The following CTNNA2 variants were observed in gnomAD, a reference collection of about 807,000 sequenced individuals.
CTNNA2 encodes catenin alpha-2.
In CTNNA2, 42 loss-of-function variants were observed where a neutral mutation model predicts 101.0. That is an observed-to-expected ratio of 0.42 (90% CI 0.32 to 0.54). The LOEUF is 0.54. Ranked by LOEUF, CTNNA2 falls within the 20% of genes least tolerant of loss-of-function variation. The probability of loss-of-function intolerance (pLI) is 0.14; values close to 1 mark genes in which losing one functional copy is unlikely to be tolerated. For missense variants in CTNNA2, 871 were observed against 1,223.1 expected (o/e 0.71, Z 4.29); for synonymous variants, 450 against 456.4 (o/e 0.99, Z 0.18).
intron 7 of CTNNA2, among the ~76,000 whole-genome samples, chr2:80,006,602 C>T (rs1012880352): frequency 2.0e-5 from 3 of 151,578 alleles, no homozygotes; most frequent in African/African-American, 4.9e-5. Context: ...GATTCAACTC[C>T]TTCTGCTTCA....
Position 80,417,629 on chromosome 2 carries a change from C to T in CTNNA2, c.1138-1820C>T, listed in dbSNP as rs185026931. 1.2e-3 allele frequency among the ~76,000 whole-genome samples: 188 copies of T among 151,604 alleles called. 1 individual carries two copies. Among genetic ancestry groups the T allele is most frequent in the African/African-American group, 4.4e-3 (181 of 41,400 alleles). On this transcript the variant is annotated intron_variant, in intron 8 of 18. Transcript: ENST00000402739. ...ATAATTCTTTCTTGAGTTTCATGAC[C>T]TAATTCTTTAGTTTTTCTTATTCTA...
At chr2:80,321,128 G>T (rs1028479673) in intron 7 of CTNNA2, among the ~76,000 whole-genome samples, 13 of 152,246 alleles carry the variant, frequency 8.5e-5, no homozygotes, top group African/African-American at 3.1e-4. Flanking sequence ...ATGCCCACCT[G>T]TAAAAATGAC....
At chr2:79,497,599 C>G (rs756400204) in intron 4 of CTNNA2, among the ~76,000 whole-genome samples, 1 of 152,144 alleles carries the variant, frequency 6.6e-6, no homozygotes, top group African/African-American at 2.4e-5. Context: ...GTTAACCTAG[C>G]ACACCCATGT....
intron 2 of CTNNA2, among the ~76,000 whole-genome samples, chr2:79,656,648 T>C (rs974553629): frequency 1.3e-5 from 2 of 152,040 alleles, no homozygotes; most frequent in African/African-American, 4.8e-5. Flanking sequence ...AGATTCCTTT[T>C]GGAGAAATTG....
intron 10 of CTNNA2, 132 bp downstream of exon 10, chr2:80,545,206 T>C: frequency 1.2e-6 from 1 of 807,700 alleles, no homozygotes; most frequent in Non-Finnish European, 1.9e-6. Context: ...TGTTTCAAGT[T>C]CTACCTTTCT....
At chr2:79,366,495 T>G (rs1434194538) in intron 3 of CTNNA2, among the ~76,000 whole-genome samples, 1 of 152,208 alleles carries the variant, frequency 6.6e-6, no homozygotes, top group Non-Finnish European at 1.5e-5. Context: ...AAAAGAAGAA[T>G]AAGACGGAGA....
chr2:80,430,802 G>A (rs1354162025), intron 9 of CTNNA2, among the ~76,000 whole-genome samples: 1 of 152,042 alleles, frequency 6.6e-6, no homozygotes, highest in Admixed American at 6.6e-5. Context: ...TAGTTTTGGT[G>A]TTTCATCATC....
chr2:80,120,434 G>T (rs915482810), intron 7 of CTNNA2, among the ~76,000 whole-genome samples: 7 of 152,132 alleles, frequency 4.6e-5, no homozygotes, highest in Non-Finnish European at 1.0e-4. Context: ...GAAGGAAACC[G>T]AGTGCTCATT....
intron 3 of CTNNA2, among the ~76,000 whole-genome samples, chr2:79,355,404 A>G (rs920636660): frequency 1.6e-4 from 24 of 152,156 alleles, no homozygotes; most frequent in Non-Finnish European, 7.3e-5. Context: ...AATTTCTTTC[A>G]TCAGCATTTT....
chr2:80,395,503 A>G (rs969125968), intron 8 of CTNNA2, among the ~76,000 whole-genome samples: 1 of 152,114 alleles, frequency 6.6e-6, no homozygotes, highest in South Asian at 2.1e-4. Context: ...CTCCCCATGT[A>G]CACCTGTAGT....
chr2:79,383,547 A>T (rs1411924237), intron 4 of CTNNA2, among the ~76,000 whole-genome samples: 1 of 152,182 alleles, frequency 6.6e-6, no homozygotes, highest in Non-Finnish European at 1.5e-5. Context: ...AAGGAAGTAT[A>T]TGGGAAGTAT....
chr2:79,202,701 T>G (rs1572976636), intron 2 of CTNNA2, among the ~76,000 whole-genome samples: 2 of 151,980 alleles, frequency 1.3e-5, no homozygotes, highest in African/African-American at 2.4e-5. Context: ...CCATACATTT[T>G]GGGGGTGGAA....
At chr2:80,479,777 G>A (rs115667953) in intron 9 of CTNNA2, among the ~76,000 whole-genome samples, 1 of 152,092 alleles carries the variant, frequency 6.6e-6, no homozygotes, top group Non-Finnish European at 1.5e-5. Context: ...ATACAAAACT[G>A]ATTTATTGAA....
chr2:79,289,367 A>T (rs1675725185), intron 2 of CTNNA2, among the ~76,000 whole-genome samples: 1 of 152,208 alleles, frequency 6.6e-6, no homozygotes, highest in Admixed American at 6.5e-5. Flanking sequence ...AGACAACAAA[A>T]GATGTGAGTG....
In CTNNA2 at chr2:80,589,425, A is replaced by T. The variant is rs1359016622; in HGVS notation, c.2129A>T (p.Asp710Val). ...GCCAAATGGGACGACAGCGGCAATG[A>T]TATCATTGTACTGGCCAAGCAGATG... ...EVAKWDDSGN[D>V]IIVLAKQMCM... The change falls in exon 15 of 19, where the codon GAT becomes GTT. Residue 710 changes from aspartate (D) to valine (V), a missense_variant. Physicochemically the swap from Asp to Val is radical, Grantham distance 152 (BLOSUM62 -3). Around this residue, in one of 5 missense-constraint regions of CTNNA2, gnomAD observed 93 missense variants for 223.7 expected, o/e 0.42. Coordinates refer to ENST00000402739, the MANE Select transcript of CTNNA2 (RefSeq NM_001282597.3). 6.2e-7 allele frequency: 1 copy of T among 1,614,130 alleles called. No individual in the cohort carries two copies. The highest frequency in any genetic ancestry group is 1.1e-5 in the South Asian group (1 of 91,078).
chr2:79,726,887 T>G (rs1686877609), intron 2 of CTNNA2, among the ~76,000 whole-genome samples: 1 of 152,186 alleles, frequency 6.6e-6, no homozygotes, highest in South Asian at 2.1e-4. Context: ...TTTGGATTTG[T>G]TATTGTTGGT....
chr2:79,187,260 CTTTTCTTTTCTT>C (rs1223619851), intron 1 of CTNNA2, among the ~76,000 whole-genome samples: 4 of 99,900 alleles, frequency 4.0e-5, no homozygotes, highest in African/African-American at 2.0e-4. Flanking sequence ...CTTTTCTTTT[CTTTTCTTTTCTT>C]TTTTTTTTTT....
chr2:79,387,200 T>C (rs1344645422), intron 4 of CTNNA2, among the ~76,000 whole-genome samples: 1 of 152,248 alleles, frequency 6.6e-6, no homozygotes, highest in Non-Finnish European at 1.5e-5. Flanking sequence ...ATATGATAAG[T>C]CCAGCCACCT....
chr2:80,152,951 T>G (rs562121265), intron 7 of CTNNA2, among the ~76,000 whole-genome samples: 1 of 152,338 alleles, frequency 6.6e-6, no homozygotes, highest in East Asian at 1.9e-4. Context: ...GCCTTTTATA[T>G]TCTTCCCAAA....
Sources: gnomAD v4.1 joint callset for allele counts (sites outside exome capture counted in the v4.1 genomes callset) on GRCh38, gnomAD v4.1.1 for gene constraint, gnomAD v4.1.1 regional missense constraint, MANE v1.5 for transcripts, NCBI Gene and HGNC (gene_info 2026-07-23, HGNC 2026-07-21) for gene names.